Variants in ACVR1C observed in about 807,000 individuals in gnomAD.
ACVR1C encodes the protein activin A receptor type 1C.
ACVR1C carries 23 observed loss-of-function variants against 57.9 expected under a neutral mutation model. The observed-to-expected ratio is 0.40, with a 90% CI of 0.29 to 0.56. The LOEUF is 0.56. Ranked by LOEUF, ACVR1C falls within the 20% of genes least tolerant of loss-of-function variation. The pLI, the probability that ACVR1C is intolerant of heterozygous loss-of-function variation, is 0.50. For synonymous variants in ACVR1C, 214 were observed against 215.3 expected (o/e 0.99, Z 0.05); for missense variants, 480 against 607.9 (o/e 0.79, Z 2.21).
rs192137779 is a variant in ACVR1C at position 157,577,147 on chromosome 2, G to A, written c.304+10040C>T. Among the ~76,000 whole-genome samples the A allele has an allele frequency of 1.6e-4, 7 of 43,340 alleles. 2 individuals carry two copies. In the East Asian group the frequency reaches 1.6e-3, roughly 10 times the overall value. The allele number at this position is 43,340 out of a possible 152,430, so 28.4% of individuals were successfully genotyped here. A position where few individuals can be genotyped will look rare whatever the true frequency, so the allele number is the denominator to read the frequency against. ...TGGGATTACAGGCGTGAGCCACCGCGCCCGGCCTGAAATTTTCTTAATGAG... is the reference window on the plus strand; with the variant it reads ...TGGGATTACAGGCGTGAGCCACCGCACCCGGCCTGAAATTTTCTTAATGAG... On this transcript the variant is annotated intron_variant, in intron 2 of 8. Transcript: ENST00000243349.
intron 1 of ACVR1C, among the ~76,000 whole-genome samples, chr2:157,603,574 C>T (rs1251201292): frequency 6.6e-6 from 1 of 152,074 alleles, no homozygotes; most frequent in Non-Finnish European, 1.5e-5. Flanking sequence ...CTTTCAAGTC[C>T]AACCAAGTGC....
In ACVR1C at chr2:157,616,623, A is replaced by G. The variant is rs547030054; in HGVS notation, c.73+11949T>C. On this transcript the variant is annotated intron_variant, in intron 1 of 8. Transcript: ENST00000243349. ...CTCATAATTATTGGTTGATGTAAAT[A>G]TAACTATACTATTGGTAAATTTAAT... Among the ~76,000 whole-genome samples the G allele has an allele frequency of 6.6e-5, 10 of 152,270 alleles. No individual in the cohort carries two copies. In the South Asian group the frequency reaches 2.1e-3, roughly 32 times the overall value.
intron 3 of ACVR1C, among the ~76,000 whole-genome samples, chr2:157,554,268 A>AAAGAAAGGAAGG (rs1261113225): frequency 1.4e-4 from 16 of 113,602 alleles, no homozygotes; most frequent in African/African-American, 2.6e-4. Flanking sequence ...AGAAAGAAAG[A>AAAGAAAGGAAGG]AAGGAAGGAA....
chr2:157,550,144 C>G lies in ACVR1C; in HGVS notation c.775+18G>C. The G allele has an allele frequency of 6.2e-7, 1 of 1,610,132 alleles. No homozygotes were observed. Among genetic ancestry groups the G allele is most frequent in the Non-Finnish European group, 8.5e-7 (1 of 1,177,330 alleles). On this transcript the variant is annotated intron_variant, in intron 4 of 8. Coordinates refer to ENST00000243349, the MANE Select transcript of ACVR1C (RefSeq NM_145259.3). ...GACAGCATTTTTTACTTGTTGAACA[C>G]AATTAGATTGGAAATACCTTTGTTG...
At chr2:157,560,337 A>T (rs886320195) in intron 2 of ACVR1C, among the ~76,000 whole-genome samples, 2 of 152,224 alleles carry the variant, frequency 1.3e-5, no homozygotes, top group African/African-American at 4.8e-5. Context: ...TAATTAATTT[A>T]CATTTCTTTA....
Position 157,530,807 on chromosome 2 carries a change from T to C in ACVR1C, c.*3111A>G, listed in dbSNP as rs796384187. 4 of 152,200 alleles carry C rather than the reference T, an allele frequency of 2.6e-5. No homozygotes were observed. Among genetic ancestry groups the C allele is most frequent in the African/African-American group, 9.6e-5 (4 of 41,564 alleles). The allele number at this position is 152,200 out of a possible 1,614,324, so 9.4% of individuals were successfully genotyped here. The stretch of plus-strand genomic sequence containing the variant: ...TGTGACATGCCAAATATTTTAGACA[T>C]AGAAGAAAGCATACAACAGAATCTG... On this transcript the variant is annotated 3_prime_UTR_variant, in exon 9 of 9. Transcript: ENST00000243349.
chr2:157,576,537 G>T (rs1388988366), intron 2 of ACVR1C, among the ~76,000 whole-genome samples: 1 of 152,016 alleles, frequency 6.6e-6, no homozygotes, highest in Non-Finnish European at 1.5e-5. Flanking sequence ...AAAAAAATAA[G>T]TCTATCATTG....
rs1260758629 is a variant in ACVR1C at position 157,570,433 on chromosome 2, T to A, written c.305-14101A>T. The stretch of plus-strand genomic sequence containing the variant: ...AAGAGGAAGTCAAATTGTCCCCGTT[T>A]GCAGACGACATGATTGTATATCTAG... On this transcript the variant is annotated intron_variant, in intron 2 of 8. Transcript: ENST00000243349. Among the ~76,000 whole-genome samples, 2 of 81,574 alleles carry A rather than the reference T, an allele frequency of 2.5e-5. 1 individual carries two copies. The highest frequency in any genetic ancestry group is 1.2e-4 in the African/African-American group (2 of 16,902). The allele number at this position is 81,574 out of a possible 152,430, so 53.5% of individuals were successfully genotyped here. A position where few individuals can be genotyped will look rare whatever the true frequency, so the allele number is the denominator to read the frequency against.
intron 1 of ACVR1C, among the ~76,000 whole-genome samples, chr2:157,597,018 G>A (rs1282215646): frequency 6.6e-6 from 1 of 152,098 alleles, no homozygotes; most frequent in Non-Finnish European, 1.5e-5. Flanking sequence ...GGACGGGGCA[G>A]GGGCGGGAAG....
intron 1 of ACVR1C, among the ~76,000 whole-genome samples, chr2:157,615,327 A>C (rs1297353751): frequency 6.6e-6 from 1 of 151,636 alleles, no homozygotes; most frequent in Non-Finnish European, 1.5e-5. Context: ...ACAAAAAAAA[A>C]AAAAAACACA....
intron 1 of ACVR1C, among the ~76,000 whole-genome samples, chr2:157,618,665 T>C (rs1403026952): frequency 6.6e-6 from 1 of 151,672 alleles, no homozygotes. Flanking sequence ...ATATCAATAG[T>C]TTAAAAAAGT....
At chr2:157,609,803 G>A (rs1475239748) in intron 1 of ACVR1C, among the ~76,000 whole-genome samples, 1 of 151,910 alleles carries the variant, frequency 6.6e-6, no homozygotes, top group Non-Finnish European at 1.5e-5. Flanking sequence ...TTCTATTTGT[G>A]TGAAATATCT....
At chr2:157,554,979 C>A (rs939647322) in intron 3 of ACVR1C, among the ~76,000 whole-genome samples, 1 of 151,726 alleles carries the variant, frequency 6.6e-6, no homozygotes, top group Non-Finnish European at 1.5e-5. Flanking sequence ...TCCCCCCACT[C>A]CGCCAACCTC....
intron 1 of ACVR1C, among the ~76,000 whole-genome samples, chr2:157,622,234 T>C (rs1176885828): frequency 6.6e-6 from 1 of 152,028 alleles, no homozygotes; most frequent in Non-Finnish European, 1.5e-5. Flanking sequence ...GTATAACTAA[T>C]GACGTTCTTC....
At chr2:157,623,532 C>G (rs1311956085) in intron 1 of ACVR1C, among the ~76,000 whole-genome samples, 1 of 151,122 alleles carries the variant, frequency 6.6e-6, no homozygotes, top group Non-Finnish European at 1.5e-5. Context: ...CATGTTCTCA[C>G]TTATTTGTGG....
chr2:157,540,970 T>G, intron 7 of ACVR1C, 120 bp downstream of exon 7: 1 of 1,229,262 alleles, frequency 8.1e-7, no homozygotes, highest in Non-Finnish European at 1.1e-6. Context: ...CCAAAAGGTA[T>G]TCTCTTAAAT....
intron 2 of ACVR1C, among the ~76,000 whole-genome samples, chr2:157,558,904 C>A (rs1688171007): frequency 6.6e-6 from 1 of 152,196 alleles, no homozygotes; most frequent in Admixed American, 6.5e-5. Context: ...AAAAAAGCCA[C>A]AGAATGCATT....
chr2:157,543,019 C>T (rs1399714002), intron 5 of ACVR1C, among the ~76,000 whole-genome samples, 157 bp from the exon 6 acceptor site: 1 of 152,092 alleles, frequency 6.6e-6, no homozygotes, highest in Non-Finnish European at 1.5e-5. Context: ...TATGTACATG[C>T]TGAATCATCT....
intron 1 of ACVR1C, chr2:157,597,455 T>C (rs1447908420): frequency 1.5e-5 from 15 of 985,306 alleles, no homozygotes; most frequent in Non-Finnish European, 1.8e-5. Flanking sequence ...AGGGACACCC[T>C]GCGGTCGCCG....
Sources: allele counts gnomAD v4.1 joint callset (sites outside exome capture counted in the v4.1 genomes callset), GRCh38; gene constraint gnomAD v4.1.1; transcripts MANE v1.5; gene names NCBI Gene and HGNC (gene_info 2026-07-23, HGNC 2026-07-21).